Variants in CELF2 observed in about 807,000 individuals in gnomAD.
The protein encoded by CELF2 is CUG triplet repeat RNA-binding protein 2.
Under a neutral mutation model 62.6 loss-of-function variants are expected in CELF2, and 8 were observed. The observed-to-expected ratio is 0.13, with a 90% CI of 0.07 to 0.23. The LOEUF (loss-of-function observed/expected upper bound fraction) is 0.23. CELF2 is among the 10% of genes least tolerant of loss of function. The pLI is 1.00. For synonymous variants in CELF2, 258 were observed against 250.0 expected (o/e 1.03, Z -0.30); for missense variants, 333 against 671.0 (o/e 0.50, Z 5.56).
At chr10:11,131,705 A>T (rs2059650015) in intron 1 of CELF2, among the ~76,000 whole-genome samples, 1 of 152,224 alleles carries the variant, frequency 6.6e-6, no homozygotes, top group Non-Finnish European at 1.5e-5. Flanking sequence ...GGAGCTATAA[A>T]CTGTGATCCA....
chr10:10,642,823 C>G, the CELF2 span, among the ~76,000 whole-genome samples: 1 of 152,244 alleles, frequency 6.6e-6, no homozygotes, highest in African/African-American at 2.4e-5. Context: ...GAGCCCTGCC[C>G]ACTGCTTGGG....
chr10:10,497,546 A>G, the CELF2 span, among the ~76,000 whole-genome samples: 5 of 152,120 alleles, frequency 3.3e-5, no homozygotes, highest in Non-Finnish European at 7.3e-5. Flanking sequence ...CTACAGGTTA[A>G]AAAAAAGAGG....
chr10:11,259,293 T>G (rs1006072538), intron 5 of CELF2, among the ~76,000 whole-genome samples: 5 of 152,188 alleles, frequency 3.3e-5, no homozygotes, highest in African/African-American at 1.2e-4. Context: ...GCTGCTAGAA[T>G]GGAAGGCCGA....
chr10:10,735,036 G>A, the CELF2 span, among the ~76,000 whole-genome samples: 1 of 152,124 alleles, frequency 6.6e-6, no homozygotes, highest in African/African-American at 2.4e-5. Flanking sequence ...TGGTATTTTG[G>A]GAAATTCATC....
At chr10:10,712,421 A>C in the CELF2 span, among the ~76,000 whole-genome samples, 1 of 152,112 alleles carries the variant, frequency 6.6e-6, no homozygotes, top group African/African-American at 2.4e-5. Context: ...TCTCTACTAC[A>C]TCACCGGTTG....
chr10:10,848,055 A>G (rs140251887), intron 1 of CELF2, among the ~76,000 whole-genome samples: 211 of 152,252 alleles, frequency 1.4e-3, no homozygotes, highest in African/African-American at 4.8e-3. Context: ...CTCAAGGTCT[A>G]TAAGTCCATC....
the CELF2 span, among the ~76,000 whole-genome samples, chr10:10,712,899 C>T: frequency 1.3e-5 from 2 of 152,264 alleles, no homozygotes; most frequent in South Asian, 2.1e-4. Context: ...AATGTTGCTC[C>T]GTCAACAAAG....
chr10:11,302,356 C>A lies in CELF2; in HGVS notation c.977-11783C>A, dbSNP rs988750464. On this transcript the variant is annotated intron_variant, in intron 9 of 12. Coordinates refer to ENST00000633077, the MANE Select transcript of CELF2 (RefSeq NM_001326342.2). The surrounding 1 kb of genome is among the most constrained non-coding windows in gnomAD (Gnocchi z 5.0). Reference sequence around the variant, plus strand: ...GCAAAAGCAGCGCCGAGGGCTGGTTCAACTCAGATGCCCAAGCCCCACAAC... The same window carrying A: ...GCAAAAGCAGCGCCGAGGGCTGGTTAAACTCAGATGCCCAAGCCCCACAAC... Among the ~76,000 whole-genome samples the A allele has an allele frequency of 1.3e-5, 2 of 152,198 alleles. No homozygotes were observed. The highest frequency in any genetic ancestry group is 1.3e-4 in the Admixed American group (2 of 15,280).
intron 1 of CELF2, among the ~76,000 whole-genome samples, chr10:11,056,553 A>C (rs1242566604): frequency 6.6e-6 from 1 of 152,254 alleles, no homozygotes; most frequent in African/African-American, 2.4e-5. Context: ...GTTGGATCTT[A>C]GAGGAATTCT....
intron 1 of CELF2, among the ~76,000 whole-genome samples, chr10:10,893,142 C>G (rs2062270614): frequency 6.6e-6 from 1 of 152,196 alleles, no homozygotes; most frequent in African/African-American, 2.4e-5. Flanking sequence ...GCAAATTAAT[C>G]CAGCCCAAAT....
chr10:10,667,880 A>G, the CELF2 span, among the ~76,000 whole-genome samples: 2 of 152,180 alleles, frequency 1.3e-5, no homozygotes, highest in Non-Finnish European at 2.9e-5. Flanking sequence ...TTACCATGCA[A>G]ACAAACCCCA....
intron 1 of CELF2, among the ~76,000 whole-genome samples, chr10:10,824,752 C>T (rs2057247761): frequency 6.6e-6 from 1 of 152,200 alleles, no homozygotes; most frequent in African/African-American, 2.4e-5. Flanking sequence ...CAGATATGCG[C>T]TTGCACATTC....
At chr10:11,096,391 G>A (rs985345585) in intron 1 of CELF2, 1 of 152,190 alleles carries the variant, frequency 6.6e-6, no homozygotes, top group Non-Finnish European at 1.5e-5. Flanking sequence ...CAACTGTAGT[G>A]TTGACTTAAG....
chr10:11,102,323 A>G (rs953966523), intron 1 of CELF2: 1 of 152,252 alleles, frequency 6.6e-6, no homozygotes, highest in African/African-American at 2.4e-5. Flanking sequence ...TAAAAGAGAA[A>G]GGCATTAGCT....
At position 10,993,770 on chromosome 10, in the gene CELF2, T is replaced by C. The variant is rs1362573139; in HGVS notation, c.89+73771T>C. ...GGACTCAGCTGTGTTCTCCCCAAAA[T>C]TTGTGTGTTGAAGTCCTAACCCTGG... On this transcript the variant is annotated intron_variant, in intron 2 of 13. Coordinates refer to the CELF2 transcript ENST00000636488. This position sits in a 1 kb window ranked among gnomAD's most constrained non-coding sequence, Gnocchi z 5.3. Among the ~76,000 whole-genome samples, 1 of 152,134 alleles carries C rather than the reference T, an allele frequency of 6.6e-6. No homozygotes were observed. The highest frequency in any genetic ancestry group is 1.5e-5 in the Non-Finnish European group (1 of 68,018).
intron 1 of CELF2, among the ~76,000 whole-genome samples, chr10:11,164,596 A>G (rs960053640): frequency 1.3e-5 from 2 of 151,882 alleles, no homozygotes; most frequent in Non-Finnish European, 1.5e-5. Context: ...ACAGAGAACA[A>G]TTTATGGAGT....
chr10:10,649,986 C>T, the CELF2 span, among the ~76,000 whole-genome samples: 24 of 152,276 alleles, frequency 1.6e-4, 1 homozygote, highest in South Asian at 3.3e-3. Flanking sequence ...GATATCCACC[C>T]GCCGTAATCT....
chr10:11,016,793 G>A (rs547633255), upstream of CELF2, among the ~76,000 whole-genome samples: 93 of 152,330 alleles, frequency 6.1e-4, no homozygotes, highest in African/African-American at 2.1e-3. The surrounding 1 kb of genome is among the most constrained non-coding windows in gnomAD (Gnocchi z 5.2). Context: ...AACCATGTGT[G>A]TGTGCGTGTA....
chr10:10,780,805 C>G, the CELF2 span, among the ~76,000 whole-genome samples: 38 of 152,276 alleles, frequency 2.5e-4, no homozygotes, highest in African/African-American at 9.1e-4. Flanking sequence ...AGCCAAGGGG[C>G]TTATATAATC....
Sources: allele counts gnomAD v4.1 joint callset (sites outside exome capture counted in the v4.1 genomes callset), GRCh38; gene constraint gnomAD v4.1.1; non-coding constraint Gnocchi (gnomAD v3.1); transcripts MANE v1.5; gene names NCBI Gene and HGNC (gene_info 2026-07-23, HGNC 2026-07-21).